FLRT2: variants seen among roughly 807,000 people sequenced by gnomAD.
The protein encoded by FLRT2 is leucine-rich repeat transmembrane protein FLRT2.
Under a neutral mutation model 40.0 loss-of-function variants are expected in FLRT2, and 15 were observed. The ratio of observed to expected loss-of-function variants is 0.38; its 90% CI spans 0.25 to 0.58. The LOEUF (loss-of-function observed/expected upper bound fraction) is 0.58. Among genes scored for constraint, FLRT2 ranks in the 20% least tolerant of loss-of-function variants. The pLI is 0.71. For missense variants in FLRT2, 726 were observed against 840.0 expected (o/e 0.86, Z 1.68); for synonymous variants, 380 against 336.8 (o/e 1.13, Z -1.41).
At chr14:85,582,060 G>A (rs1232664291) in intron 1 of FLRT2, among the ~76,000 whole-genome samples, 1 of 152,162 alleles carries the variant, frequency 6.6e-6, no homozygotes. Flanking sequence ...AACAATGGGA[G>A]GTGCTTACAT....
intron 1 of FLRT2, among the ~76,000 whole-genome samples, chr14:85,585,416 T>C (rs1479063215): frequency 6.6e-6 from 1 of 152,212 alleles, no homozygotes; most frequent in Non-Finnish European, 1.5e-5. Context: ...GGCCCAGCAG[T>C]GTTCAGTTAT....
intron 1 of FLRT2, among the ~76,000 whole-genome samples, chr14:85,577,623 G>T (rs1891176469): frequency 6.6e-6 from 1 of 151,462 alleles, no homozygotes; most frequent in Non-Finnish European, 1.5e-5. Context: ...GTCTCACCGT[G>T]TTGCCCAGGT....
intron 1 of FLRT2, among the ~76,000 whole-genome samples, chr14:85,576,655 C>T (rs1001379274): frequency 2.0e-5 from 3 of 152,138 alleles, no homozygotes; most frequent in Non-Finnish European, 4.4e-5. Context: ...ACTGGTTGGA[C>T]CTTTTAGGGG....
At chr14:85,606,621 T>C (rs950908236) in intron 1 of FLRT2, among the ~76,000 whole-genome samples, 6 of 149,134 alleles carry the variant, frequency 4.0e-5, no homozygotes, top group Non-Finnish European at 7.4e-5. Flanking sequence ...GACTCCCTAG[T>C]TCAAGCGATT....
rs200506541 is a variant in FLRT2 at position 85,604,660 on chromosome 14, AT to A, written c.-376-16470del. 2.7e-3 allele frequency among the ~76,000 whole-genome samples: 407 copies of A among 151,698 alleles called. 4 individuals carry two copies. The highest frequency in any genetic ancestry group is 0.016 in the Admixed American group (247 of 15,222). ...TAGGACTGTTTTTAAAACTGAGAAGATTTTTTTTTGTTGTTGTTCTTATTGT... is the reference window on the plus strand; with the variant it reads ...TAGGACTGTTTTTAAAACTGAGAAGATTTTTTTTGTTGTTGTTCTTATTGT... On this transcript the variant is annotated intron_variant, in intron 1 of 1. Transcript: ENST00000330753.
Position 85,623,021 on chromosome 14 carries a change from G to T in FLRT2, c.1507G>T (p.Ala503Ser), listed in dbSNP as rs149005998. The change falls in exon 2 of 2, where the codon GCG becomes TCG. Residue 503 changes from alanine to serine, a missense_variant. Transcript: ENST00000330753. ...LVPLDAFNYR[A>S]VEDTICSEAT... Reference sequence around the variant, plus strand: ...GCCACTGGATGCTTTTAACTACCGCGCGGTAGAAGACACCATTTGTTCAGA... The same window carrying T: ...GCCACTGGATGCTTTTAACTACCGCTCGGTAGAAGACACCATTTGTTCAGA... 3.1e-6 allele frequency: 5 copies of T among 1,614,154 alleles called. No homozygotes were observed. Among genetic ancestry groups the T allele is most frequent in the Non-Finnish European group, 4.2e-6 (5 of 1,180,024 alleles).
At chr14:85,573,755 G>C (rs1470712664) in intron 1 of FLRT2, among the ~76,000 whole-genome samples, 3 of 152,154 alleles carry the variant, frequency 2.0e-5, no homozygotes, top group Non-Finnish European at 4.4e-5. Context: ...TCCTCATCTG[G>C]GTAGTGAAGT....
intron 1 of FLRT2, among the ~76,000 whole-genome samples, chr14:85,596,440 G>A (rs951618026): frequency 6.6e-6 from 1 of 152,128 alleles, no homozygotes; most frequent in Non-Finnish European, 1.5e-5. Flanking sequence ...GTCATGTTAC[G>A]CCTTTTACAA....
chr14:85,565,999 C>T (rs1309392842), intron 1 of FLRT2, among the ~76,000 whole-genome samples: 1 of 152,168 alleles, frequency 6.6e-6, no homozygotes, highest in East Asian at 1.9e-4. Context: ...ACTGCCACCC[C>T]TCCCACCCCG....
At chr14:85,609,471 A>G (rs1279373328) in intron 1 of FLRT2, among the ~76,000 whole-genome samples, 1 of 152,224 alleles carries the variant, frequency 6.6e-6, no homozygotes, top group Non-Finnish European at 1.5e-5. Context: ...AGAAAACACT[A>G]GAGTCAGAGC....
At chr14:85,567,634 CATTTTTT>C (rs1890686651) in intron 1 of FLRT2, among the ~76,000 whole-genome samples, 1 of 126,108 alleles carries the variant, frequency 7.9e-6, no homozygotes. Flanking sequence ...AAGTGACTTA[CATTTTTT>C]TTTTTTTTTT....
At chr14:85,564,462 A>T (rs1043175460) in intron 1 of FLRT2, among the ~76,000 whole-genome samples, 4 of 152,200 alleles carry the variant, frequency 2.6e-5, no homozygotes, top group African/African-American at 9.7e-5. Context: ...GGTTAAAAAT[A>T]TATTTAGGTA....
Position 85,541,889 on chromosome 14 carries a change from T to TA in FLRT2, c.-377+11356dup, listed in dbSNP as rs1889003729. On this transcript the variant is annotated intron_variant, in intron 1 of 1. Transcript: ENST00000330753. ...TGCAGCTTCCAAGGAGTTCCATGTCTAGACTATGACACTGAGCTCAGTGAG... is the reference window on the plus strand; with the variant it reads ...TGCAGCTTCCAAGGAGTTCCATGTCTAAGACTATGACACTGAGCTCAGTGAG... 2.6e-5 allele frequency among the ~76,000 whole-genome samples: 4 copies of TA among 152,204 alleles called. No homozygotes were observed. The South Asian group carries it at 8.3e-4, about 31-fold the overall frequency.
chr14:85,570,925 A>AAT (rs1474164657), intron 1 of FLRT2, among the ~76,000 whole-genome samples: 8 of 152,010 alleles, frequency 5.3e-5, no homozygotes, highest in Admixed American at 2.6e-4. Flanking sequence ...CTGGTGGCTT[A>AAT]ATGTATTCCA....
At chr14:85,580,470 A>G (rs1595050157) in intron 1 of FLRT2, among the ~76,000 whole-genome samples, 1 of 152,156 alleles carries the variant, frequency 6.6e-6, no homozygotes, top group African/African-American at 2.4e-5. Context: ...TAATACCTTT[A>G]TGATGGCATC....
chr14:85,622,020 A>C lies in FLRT2; in HGVS notation c.506A>C (p.Asn169Thr), dbSNP rs1355192950. Reference sequence around the variant, plus strand: ...CTCAAATTGTTGTTTTTGTCTAAGAATCACCTGAGCAGTGTGCCTGTTGGG... The same window carrying C: ...CTCAAATTGTTGTTTTTGTCTAAGACTCACCTGAGCAGTGTGCCTGTTGGG... ...ISLKLLFLSKNHLSSVPVGLP... is the reference protein window; with the variant it reads ...ISLKLLFLSKTHLSSVPVGLP... Residue 169 changes from asparagine to threonine, a missense_variant, in exon 2 of 2, where the codon AAT becomes ACT. Physicochemically the swap from Asn to Thr is moderately conservative, Grantham distance 65. This residue lies in a region of FLRT2 where 611 missense variants were observed against 690.0 expected (regional missense o/e 0.89). Coordinates refer to ENST00000330753, the MANE Select transcript of FLRT2 (RefSeq NM_013231.6). 1 of 1,611,706 alleles carries C rather than the reference A, an allele frequency of 6.2e-7. No individual in the cohort carries two copies. Among genetic ancestry groups the C allele is most frequent in the Non-Finnish European group, 8.5e-7 (1 of 1,178,990 alleles).
At chr14:85,594,900 T>A (rs1214513239) in intron 1 of FLRT2, among the ~76,000 whole-genome samples, 1 of 152,218 alleles carries the variant, frequency 6.6e-6, no homozygotes, top group Non-Finnish European at 1.5e-5. Context: ...TATGTATTAT[T>A]GACAGTATTC....
At chr14:85,615,733 C>G (rs1297951028) in intron 1 of FLRT2, among the ~76,000 whole-genome samples, 1 of 46,796 alleles carries the variant, frequency 2.1e-5, no homozygotes, top group Non-Finnish European at 4.5e-5. Context: ...GAGAATTCCT[C>G]TTCAGTATAG....
intron 1 of FLRT2, among the ~76,000 whole-genome samples, chr14:85,618,776 G>T (rs892332380): frequency 6.6e-6 from 1 of 152,096 alleles, no homozygotes; most frequent in Admixed American, 6.6e-5. Context: ...ATTTGAATGC[G>T]CCCATCCCAG....
Sources: allele counts gnomAD v4.1 joint callset (sites outside exome capture counted in the v4.1 genomes callset), GRCh38; gene constraint gnomAD v4.1.1; regional missense constraint gnomAD v4.1.1; transcripts MANE v1.5; gene names NCBI Gene and HGNC (gene_info 2026-07-23, HGNC 2026-07-21).